DIP2A: variants seen among roughly 807,000 people sequenced by gnomAD.
DIP2A encodes disco-interacting protein 2 homolog A.
In DIP2A, 85 loss-of-function variants were observed where a neutral mutation model predicts 177.4. The observed-to-expected ratio is 0.48, with a 90% CI of 0.40 to 0.57. The LOEUF (loss-of-function observed/expected upper bound fraction) is 0.57. DIP2A is among the 20% of genes least tolerant of loss of function. The probability of loss-of-function intolerance (pLI) is 0.00; values close to 1 mark genes in which losing one functional copy is unlikely to be tolerated. For synonymous variants in DIP2A, 886 were observed against 881.8 expected, an observed-to-expected ratio of 1.00 and a Z score of -0.08; for missense variants, 1,791 against 2,100.2, an observed-to-expected ratio of 0.85 and a Z score of 2.88.
intron 2 of DIP2A, among the ~76,000 whole-genome samples, chr21:46,486,217 A>G (rs553639939): frequency 1.3e-5 from 2 of 152,214 alleles, no homozygotes; most frequent in East Asian, 3.9e-4. Flanking sequence ...TGATGATTGC[A>G]CATAAGAGGC....
chr21:46,577,723 G>T, the DIP2A span, among the ~76,000 whole-genome samples: 1 of 152,032 alleles, frequency 6.6e-6, no homozygotes, highest in Non-Finnish European at 1.5e-5. Flanking sequence ...TTACTTTGGG[G>T]AGTATGGCCA....
intron 1 of DIP2A, among the ~76,000 whole-genome samples, chr21:46,476,956 T>C (rs2055899794): frequency 6.6e-6 from 1 of 152,074 alleles, no homozygotes; most frequent in Non-Finnish European, 1.5e-5. Flanking sequence ...TGCAGCCAGC[T>C]CGTAGCATCG....
intron 7 of DIP2A, among the ~76,000 whole-genome samples, chr21:46,509,954 C>T (rs549538699): frequency 2.4e-4 from 37 of 152,242 alleles, no homozygotes; most frequent in Middle Eastern, 3.4e-3. Context: ...CCTCCACACC[C>T]GAGGATTAGA....
rs987392185 is a variant in DIP2A at position 46,459,176 on chromosome 21, C to G, written c.45C>G (p.Ala15=). 7 of 1,523,690 alleles carry G rather than the reference C, an allele frequency of 4.6e-6. No homozygotes were observed. In the African/African-American group the frequency reaches 8.7e-5, roughly 19 times the overall value. The allele number at this position is 1,523,690 out of a possible 1,614,324, so 94.4% of individuals were successfully genotyped here. ...CGCTGGAGGCGGCGCCGCTGCCTGC[C>G]GAGGTGCGGGAGAGCCTGGCTGAGC... ...GCPLEAAPLP[A]EVRESLAELE... The change falls in exon 1 of 38, where the codon GCC becomes GCG. Residue 15 remains alanine, a synonymous_variant. Transcript: ENST00000417564.
intron 16 of DIP2A, chr21:46,539,170 C>T (rs191624596): frequency 1.2e-5 from 2 of 162,400 alleles, no homozygotes; most frequent in African/African-American, 4.8e-5. Flanking sequence ...GACTCAGTAC[C>T]TCCTCTGGGG....
intron 8 of DIP2A, among the ~76,000 whole-genome samples, chr21:46,528,085 G>T (rs957505255): frequency 1.3e-5 from 2 of 152,152 alleles, no homozygotes; most frequent in African/African-American, 4.8e-5. Context: ...TGTGCCTGGC[G>T]TGAGGTCCTG....
Position 46,537,426 on chromosome 21 carries a change from G to A in DIP2A, c.1708-20G>A. ...TGTGGCTCGGGCCCACTCGCCCTAA[G>A]CATGTGTGCTCCCCCACAGAGCGTC... On this transcript the variant is annotated intron_variant, in intron 14 of 37. Transcript: ENST00000417564. The surrounding 1 kb of genome is among the most constrained non-coding windows in gnomAD (Gnocchi z 4.1). The A allele has an allele frequency of 6.2e-7, 1 of 1,613,610 alleles. No homozygotes were observed. Among genetic ancestry groups the A allele is most frequent in the Non-Finnish European group, 8.5e-7 (1 of 1,179,722 alleles).
chr21:46,552,342 C>T (rs994928341), intron 25 of DIP2A, among the ~76,000 whole-genome samples: 2 of 152,182 alleles, frequency 1.3e-5, no homozygotes, highest in African/African-American at 4.8e-5. Flanking sequence ...TTGCTTCCTG[C>T]CCTGCTCCTG....
At chr21:46,513,862 A>T (rs1185805676) in intron 8 of DIP2A, among the ~76,000 whole-genome samples, 1 of 152,198 alleles carries the variant, frequency 6.6e-6, no homozygotes, top group Non-Finnish European at 1.5e-5. Context: ...CTAAAAAAAA[A>T]TTGAAATCCC....
intron 19 of DIP2A, 122 bp from the exon 20 acceptor site, chr21:46,545,759 T>C: frequency 8.5e-7 from 1 of 1,173,124 alleles, no homozygotes; most frequent in African/African-American, 1.5e-5. Flanking sequence ...AGGGCCAGCC[T>C]CCTTTTTCCC....
At chr21:46,476,563 A>C (rs1451792839) in intron 1 of DIP2A, among the ~76,000 whole-genome samples, 1 of 152,116 alleles carries the variant, frequency 6.6e-6, no homozygotes, top group Non-Finnish European at 1.5e-5. Flanking sequence ...TGTAGGAGTC[A>C]ATGTGTGCTC....
chr21:46,503,458 T>G (rs1304066819), intron 5 of DIP2A, among the ~76,000 whole-genome samples: 1 of 152,126 alleles, frequency 6.6e-6, no homozygotes, highest in African/African-American at 2.4e-5. Context: ...CCAACATACT[T>G]TTTTGGGGGT....
At chr21:46,566,454 A>G (rs1367338255) in intron 36 of DIP2A, 106 bp from the exon 37 acceptor site, 1 of 1,487,680 alleles carries the variant, frequency 6.7e-7, no homozygotes, top group Admixed American at 2.0e-5. Flanking sequence ...GTTTCAGTTG[A>G]GACCTCCCTG....
At chr21:46,503,010 T>C (rs866130190) in intron 5 of DIP2A, among the ~76,000 whole-genome samples, 1 of 152,118 alleles carries the variant, frequency 6.6e-6, no homozygotes, top group African/African-American at 2.4e-5. Context: ...TTTTAAATGT[T>C]ACACCAATTC....
chr21:46,488,342 G>T (rs141118394), intron 2 of DIP2A, among the ~76,000 whole-genome samples: 93 of 152,210 alleles, frequency 6.1e-4, no homozygotes, highest in African/African-American at 2.2e-3. Flanking sequence ...GTCTTCATAG[G>T]CAAGATAGGA....
At position 46,554,860 on chromosome 21, in the gene DIP2A, C is replaced by T; in HGVS notation, c.3315C>T (p.Val1105=). The change falls in exon 28 of 38, where the codon GTC becomes GTT. Residue 1105 remains valine, a synonymous_variant. Transcript: ENST00000417564. ...CATGCGTCCTCACCACGCAGGCTGT[C>T]ACACGGCTGCTCAGGTCCAAGGAGG... The part of the protein sequence containing the change: ...KSACVLTTQA[V]TRLLRSKEAA... 6.5e-7 allele frequency: 1 copy of T among 1,546,866 alleles called. No homozygotes were observed. Among genetic ancestry groups the T allele is most frequent in the Non-Finnish European group, 8.7e-7 (1 of 1,147,136 alleles).
Position 46,545,980 on chromosome 21 carries a change from A to G in DIP2A, c.2394+19A>G, listed in dbSNP as rs778540566. ...CGGGCCTGTGAGTATGTCCTCCTGT[A>G]CCAGCACTGGCAGTCAGAGAAGGTA... On this transcript the variant is annotated intron_variant, in intron 20 of 37. Coordinates refer to ENST00000417564, the MANE Select transcript of DIP2A (RefSeq NM_015151.4). The G allele has an allele frequency of 3.7e-6, 6 of 1,613,930 alleles. No individual in the cohort carries two copies. In the Admixed American group the frequency reaches 1.0e-4, roughly 27 times the overall value.
chr21:46,488,262 C>G (rs1382296632), intron 2 of DIP2A, among the ~76,000 whole-genome samples: 1 of 152,164 alleles, frequency 6.6e-6, no homozygotes, highest in Admixed American at 6.5e-5. Context: ...AATTAAAGTT[C>G]TAAATATGTT....
At chr21:46,486,169 T>A (rs2056683589) in intron 2 of DIP2A, among the ~76,000 whole-genome samples, 1 of 151,956 alleles carries the variant, frequency 6.6e-6, no homozygotes, top group African/African-American at 2.4e-5. Context: ...ACATGTTCTC[T>A]GACTGCATTG....
Sources: allele counts gnomAD v4.1 joint callset (sites outside exome capture counted in the v4.1 genomes callset), GRCh38; gene constraint gnomAD v4.1.1; non-coding constraint Gnocchi (gnomAD v3.1); transcripts MANE v1.5; gene names NCBI Gene and HGNC (gene_info 2026-07-23, HGNC 2026-07-21).